The following ZMYM2 variants were observed in gnomAD, a reference collection of about 807,000 sequenced individuals.
ZMYM2 encodes zinc finger MYM-type protein 2.
Under a neutral mutation model 162.8 loss-of-function variants are expected in ZMYM2, and 56 were observed. The observed-to-expected ratio is 0.34, with a 90% CI of 0.28 to 0.43. ZMYM2 has a LOEUF of 0.43. Ranked by LOEUF, ZMYM2 falls within the 20% of genes least tolerant of loss-of-function variation. The pLI is 1.00. For missense variants in ZMYM2, 1,275 were observed against 1,621.8 expected (o/e 0.79, Z 3.67); for synonymous variants, 510 against 541.6 (o/e 0.94, Z 0.81).
chr13:20,060,879 C>G (rs891793157), intron 16 of ZMYM2, among the ~76,000 whole-genome samples, 174 bp from the exon 17 acceptor site: 3 of 152,108 alleles, frequency 2.0e-5, no homozygotes, highest in Non-Finnish European at 4.4e-5. Context: ...AAAGTAGATG[C>G]TTGTATTCTA....
intron 2 of ZMYM2, among the ~76,000 whole-genome samples, chr13:19,991,727 C>T (rs916878675): frequency 6.6e-6 from 1 of 151,640 alleles, no homozygotes; most frequent in African/African-American, 2.4e-5. Context: ...AACTCCCGGC[C>T]TCAGATGATT....
chr13:19,950,839 G>A, the ZMYM2 span, among the ~76,000 whole-genome samples: 1 of 152,178 alleles, frequency 6.6e-6, no homozygotes, highest in African/African-American at 2.4e-5. Flanking sequence ...TGATGGGAAG[G>A]ATCTTGGAAA....
chr13:19,871,719 T>C, the ZMYM2 span, among the ~76,000 whole-genome samples: 176 of 152,318 alleles, frequency 1.2e-3, 1 homozygote, highest in African/African-American at 4.0e-3. Flanking sequence ...TGTAAAAAAT[T>C]GATCTGCACC....
At chr13:19,975,135 GT>G (rs1390777551) in intron 2 of ZMYM2, among the ~76,000 whole-genome samples, 1 of 143,648 alleles carries the variant, frequency 7.0e-6, no homozygotes, top group Non-Finnish European at 1.5e-5. Flanking sequence ...GGATATCATT[GT>G]TTTTGGTATT....
the ZMYM2 span, among the ~76,000 whole-genome samples, chr13:19,866,437 G>A: frequency 6.6e-6 from 1 of 152,036 alleles, no homozygotes; most frequent in Non-Finnish European, 1.5e-5. Context: ...AGGCCGAGAC[G>A]GGCAGATCAC....
At chr13:20,048,614 T>C (rs1955032612) in intron 12 of ZMYM2, among the ~76,000 whole-genome samples, 1 of 151,952 alleles carries the variant, frequency 6.6e-6, no homozygotes, top group Non-Finnish European at 1.5e-5. Flanking sequence ...TTTAAAAAGA[T>C]GTATATATCA....
the ZMYM2 span, among the ~76,000 whole-genome samples, chr13:19,907,507 C>T: frequency 1.3e-5 from 2 of 152,042 alleles, no homozygotes; most frequent in Non-Finnish European, 2.9e-5. Context: ...GGCCTGTAAT[C>T]CTAGCACTTT....
intron 2 of ZMYM2, among the ~76,000 whole-genome samples, chr13:19,966,476 C>T (rs1366154696): frequency 6.9e-6 from 1 of 145,434 alleles, no homozygotes; most frequent in Non-Finnish European, 1.5e-5. Flanking sequence ...TTTTTGGATA[C>T]AGAGTTTTGC....
chr13:20,040,670 C>G (rs1482335212), intron 12 of ZMYM2, among the ~76,000 whole-genome samples: 6 of 152,024 alleles, frequency 3.9e-5, no homozygotes, highest in Non-Finnish European at 7.4e-5. Context: ...TCTCTTGGTT[C>G]TCTAGTTCTT....
chr13:19,905,006 A>ATTTTTTTTTTT, the ZMYM2 span, among the ~76,000 whole-genome samples: 1 of 129,912 alleles, frequency 7.7e-6, no homozygotes, highest in Non-Finnish European at 1.6e-5. Context: ...CTTGCTTTCA[A>ATTTTTTTTTTT]TTTTTTTTTT....
intron 7 of ZMYM2, among the ~76,000 whole-genome samples, chr13:20,023,399 C>T (rs1302169230): frequency 6.6e-6 from 1 of 151,992 alleles, no homozygotes; most frequent in East Asian, 1.9e-4. Flanking sequence ...CCAAATGTAC[C>T]AAATGAAATA....
intron 6 of ZMYM2, among the ~76,000 whole-genome samples, chr13:20,015,478 T>G (rs1239989057): frequency 6.6e-6 from 1 of 152,216 alleles, no homozygotes; most frequent in Non-Finnish European, 1.5e-5. Context: ...AACTCTAGTT[T>G]ATATTGTTGT....
intron 6 of ZMYM2, among the ~76,000 whole-genome samples, chr13:20,018,990 G>C (rs1951841753): frequency 6.7e-6 from 1 of 148,898 alleles, no homozygotes; most frequent in African/African-American, 2.5e-5. Flanking sequence ...TGAGGTGGGA[G>C]AATCGCTTGA....
At chr13:20,043,880 G>A (rs904996110) in intron 12 of ZMYM2, among the ~76,000 whole-genome samples, 1 of 152,068 alleles carries the variant, frequency 6.6e-6, no homozygotes, top group Admixed American at 6.5e-5. Context: ...GCACTGCTGC[G>A]TGTCTGTGGG....
the ZMYM2 span, among the ~76,000 whole-genome samples, chr13:19,919,983 A>T: frequency 6.6e-6 from 1 of 151,864 alleles, no homozygotes; most frequent in Non-Finnish European, 1.5e-5. Flanking sequence ...AAATTATTTA[A>T]TTCTTTGTAG....
chr13:20,087,181 G>T lies in ZMYM2; in HGVS notation c.*1167G>T, dbSNP rs763102522. 1 of 185,124 alleles carries T rather than the reference G, an allele frequency of 5.4e-6. No homozygotes were observed. The highest frequency in any genetic ancestry group is 1.1e-5 in the Non-Finnish European group (1 of 87,578). The allele number at this position is 185,124 out of a possible 1,614,324, so 11.5% of individuals were successfully genotyped here. A position where few individuals can be genotyped will look rare whatever the true frequency, so the allele number is the denominator to read the frequency against. Reference sequence around the variant, plus strand: ...TGCAAATGATTGAGGAACAAACAAAGAAACTAATAGAGAAAGTCAGTCTCA... The same window carrying T: ...TGCAAATGATTGAGGAACAAACAAATAAACTAATAGAGAAAGTCAGTCTCA... On this transcript the variant is annotated 3_prime_UTR_variant, in exon 25 of 25. Transcript: ENST00000610343.
chr13:19,906,123 A>G, the ZMYM2 span, among the ~76,000 whole-genome samples: 197 of 151,666 alleles, frequency 1.3e-3, 1 homozygote, highest in Non-Finnish European at 1.9e-3. Context: ...TAAATACAAA[A>G]AATTAGCCGG....
At chr13:20,052,410 G>GT in intron 14 of ZMYM2, 99 bp downstream of exon 14, 19 of 1,231,998 alleles carry the variant, frequency 1.5e-5, no homozygotes, top group Non-Finnish European at 2.0e-5. Context: ...TAATTTTTTT[G>GT]GTTTTTTTTT....
the ZMYM2 span, among the ~76,000 whole-genome samples, chr13:19,872,929 G>T: frequency 6.6e-6 from 1 of 151,848 alleles, no homozygotes; most frequent in African/African-American, 2.4e-5. Context: ...AACCCAGGAG[G>T]CCAGAGGTTG....
Sources: gnomAD v4.1 joint callset for allele counts (sites outside exome capture counted in the v4.1 genomes callset) on GRCh38, gnomAD v4.1.1 for gene constraint, MANE v1.5 for transcripts, NCBI Gene and HGNC (gene_info 2026-07-23, HGNC 2026-07-21) for gene names.